LSM8: variants seen among roughly 807,000 people sequenced by gnomAD.
LSM8 encodes LSM8 U6 small nuclear RNA associated.
LSM8 carries 14 observed loss-of-function variants against 15.0 expected under a neutral mutation model. The ratio of observed to expected loss-of-function variants is 0.93; its 90% CI spans 0.62 to 1.46. LSM8 has a LOEUF of 1.46. Among genes scored for constraint, LSM8 ranks in the 40% most tolerant of loss-of-function variants. The pLI is 0.00. For missense variants in LSM8, 90 were observed against 115.4 expected (o/e 0.78, Z 1.01); for synonymous variants, 50 against 42.1 (o/e 1.19, Z -0.73).
At position 118,196,769 on chromosome 7, in the gene LSM8, C is replaced by G. The variant is rs1030134548; in HGVS notation, c.*4767C>G. On this transcript the variant is annotated 3_prime_UTR_variant, in exon 4 of 4. Coordinates refer to ENST00000249299, the MANE Select transcript of LSM8 (RefSeq NM_016200.5). ...ATTTTTGAGACACTTCTTGCTCTTT[C>G]GCCAGGCTGGAGTGCAGTGGTGCAA... Among the ~76,000 whole-genome samples, 2 of 146,510 alleles carry G rather than the reference C, an allele frequency of 1.4e-5. No individual in the cohort carries two copies. Among genetic ancestry groups the G allele is most frequent in the South Asian group, 2.1e-4 (1 of 4,728 alleles).
In LSM8 at chr7:118,195,811, CTACATGTAA is replaced by C. The variant is rs1325220725; in HGVS notation, c.*3813_*3821del. Among the ~76,000 whole-genome samples the C allele has an allele frequency of 6.6e-6, 1 of 152,126 alleles. No homozygotes were observed. Among genetic ancestry groups the C allele is most frequent in the African/African-American group, 2.4e-5 (1 of 41,424 alleles). ...AAATTTGATAAAAATTCCTTTCTGT[CTACATGTAA>C]TACTGAAAAAAATGTTGATAAGGTA... On this transcript the variant is annotated 3_prime_UTR_variant, in exon 4 of 4. Coordinates refer to ENST00000249299, the MANE Select transcript of LSM8 (RefSeq NM_016200.5).
At chr7:118,185,444 C>T (rs1808870614) in intron 1 of LSM8, 5 of 526,770 alleles carry the variant, frequency 9.5e-6, no homozygotes, top group South Asian at 7.1e-5. Flanking sequence ...GGGGGTATCG[C>T]TGTGTTGCCC....
At position 118,184,207 on chromosome 7, in the gene LSM8, C is replaced by T. The variant is rs1808840251; in HGVS notation, c.-17C>T. ...GTCGGCACCGCTGCGTTACCCGGAA[C>T]CGCCGGGCCGAACAGCATGACGTCC... On this transcript the variant is annotated 5_prime_UTR_variant, in exon 1 of 4. Transcript: ENST00000249299. 3.2e-6 allele frequency: 5 copies of T among 1,542,714 alleles called. No individual in the cohort carries two copies. The South Asian group carries it at 3.6e-5, about 11-fold the overall frequency.
rs1373023621 is a variant in LSM8 at position 118,200,956 on chromosome 7, G to A, written c.*8954G>A. Among the ~76,000 whole-genome samples the A allele has an allele frequency of 6.6e-6, 1 of 151,942 alleles. No homozygotes were observed. The highest frequency in any genetic ancestry group is 1.5e-5 in the Non-Finnish European group (1 of 67,954). ...ACTTTTCACATATACACTAATATTAGTATCTAAATTATATTAAAATCTAAT... is the reference window on the plus strand; with the variant it reads ...ACTTTTCACATATACACTAATATTAATATCTAAATTATATTAAAATCTAAT... On this transcript the variant is annotated 3_prime_UTR_variant, in exon 4 of 4. Coordinates refer to ENST00000249299, the MANE Select transcript of LSM8 (RefSeq NM_016200.5).
intron 3 of LSM8, 69 bp from the exon 4 acceptor site, chr7:118,191,843 T>C: frequency 8.4e-7 from 1 of 1,186,618 alleles, no homozygotes; most frequent in South Asian, 1.3e-5. Context: ...TTTGATTTGA[T>C]TAGTAAGATT....
rs1027019207 is a variant in LSM8 at position 118,198,168 on chromosome 7, T to C, written c.*6166T>C. ...TTTTAAAATTAAAAATTTGATCAAA[T>C]TTTTAAAAGTAACACGAGGCAGAGA... On this transcript the variant is annotated 3_prime_UTR_variant, in exon 4 of 4. Transcript: ENST00000249299. Among the ~76,000 whole-genome samples, 1 of 152,142 alleles carries C rather than the reference T, an allele frequency of 6.6e-6. No individual in the cohort carries two copies. The highest frequency in any genetic ancestry group is 2.4e-5 in the African/African-American group (1 of 41,436).
chr7:118,202,388 C>T lies in LSM8; in HGVS notation c.*10386C>T, dbSNP rs957968046. On this transcript the variant is annotated 3_prime_UTR_variant, in exon 4 of 4. Transcript: ENST00000249299. ...AAGCAAGGCAGTTCAGACTGGGGCA[C>T]CTACTCAAAGAAGTGACCCAGTACC... 3.3e-5 allele frequency among the ~76,000 whole-genome samples: 5 copies of T among 151,936 alleles called. No individual in the cohort carries two copies. The highest frequency in any genetic ancestry group is 5.9e-5 in the Non-Finnish European group (4 of 67,934).
At position 118,202,227 on chromosome 7, in the gene LSM8, G is replaced by A. The variant is rs994181519; in HGVS notation, c.*10225G>A. 4.6e-5 allele frequency among the ~76,000 whole-genome samples: 7 copies of A among 152,016 alleles called. No homozygotes were observed. The highest frequency in any genetic ancestry group is 1.7e-4 in the African/African-American group (7 of 41,418). On this transcript the variant is annotated 3_prime_UTR_variant, in exon 4 of 4. Coordinates refer to ENST00000249299, the MANE Select transcript of LSM8 (RefSeq NM_016200.5). The stretch of plus-strand genomic sequence containing the variant: ...AGAAACCATGAAGTGTCATATGAAA[G>A]GAAGTTACGATTATTATTGGTGAGT...
chr7:118,187,320 A>G (rs1028386062), intron 2 of LSM8, among the ~76,000 whole-genome samples: 2 of 152,246 alleles, frequency 1.3e-5, no homozygotes, highest in Non-Finnish European at 2.9e-5. Context: ...CTTGAATACC[A>G]TGTGAGTTAC....
chr7:118,189,135 C>T (rs967691326), intron 3 of LSM8: 3 of 152,516 alleles, frequency 2.0e-5, no homozygotes, highest in Non-Finnish European at 4.4e-5. Flanking sequence ...TGGCGTGCGC[C>T]TGTAGTTCCA....
intron 2 of LSM8, among the ~76,000 whole-genome samples, chr7:118,188,013 C>T (rs1808915489): frequency 2.0e-5 from 3 of 152,312 alleles, no homozygotes; most frequent in South Asian, 2.1e-4. Flanking sequence ...GAGATAGTCA[C>T]ATTAGTACAT....
intron 1 of LSM8, chr7:118,185,416 G>C: frequency 2.2e-6 from 1 of 448,242 alleles, no homozygotes; most frequent in Non-Finnish European, 4.0e-6. Flanking sequence ...TAGGTCACCA[G>C]GCCAGGGTAA....
rs1190959134 is a variant in LSM8, at chr7:118,201,228, AG to A, written c.*9227del. Among the ~76,000 whole-genome samples the A allele has an allele frequency of 2.0e-5, 3 of 152,098 alleles. No individual in the cohort carries two copies. ...TATATATCACAGAATTTTGAACTAA[AG>A]ATCATCTAGCTGAATTTCCTTTATA... On this transcript the variant is annotated 3_prime_UTR_variant, in exon 4 of 4. Coordinates refer to ENST00000249299, the MANE Select transcript of LSM8 (RefSeq NM_016200.5).
At chr7:118,185,088 C>T (rs1808863975) in intron 1 of LSM8, 1 of 152,010 alleles carries the variant, frequency 6.6e-6, no homozygotes, top group Non-Finnish European at 1.5e-5. Flanking sequence ...AATATCCTGC[C>T]TGAAATAATA....
rs1370676033 is a variant in LSM8 at position 118,196,361 on chromosome 7, A to G, written c.*4359A>G. ...GGATTCATTCAAAACAACTAGAAAC[A>G]GTCTTTTTAAAATAAATATAATTCA... is the stretch of plus-strand genomic sequence containing the variant. On this transcript the variant is annotated 3_prime_UTR_variant, in exon 4 of 4. Transcript: ENST00000249299. Among the ~76,000 whole-genome samples, 1 of 151,942 alleles carries G rather than the reference A, an allele frequency of 6.6e-6. No homozygotes were observed. Among genetic ancestry groups the G allele is most frequent in the African/African-American group, 2.4e-5 (1 of 41,332 alleles).
In LSM8 at chr7:118,198,903, C is replaced by G. The variant is rs1324353816; in HGVS notation, c.*6901C>G. 6.6e-6 allele frequency among the ~76,000 whole-genome samples: 1 copy of G among 152,182 alleles called. No homozygotes were observed. The highest frequency in any genetic ancestry group is 6.5e-5 in the Admixed American group (1 of 15,274). ...AGTTTAAGCTCTGGGAAACGAGATTCAGGAGCTAAGGTCAGTTATGAGGGA... is the reference window on the plus strand; with the variant it reads ...AGTTTAAGCTCTGGGAAACGAGATTGAGGAGCTAAGGTCAGTTATGAGGGA... On this transcript the variant is annotated 3_prime_UTR_variant, in exon 4 of 4. Coordinates refer to ENST00000249299, the MANE Select transcript of LSM8 (RefSeq NM_016200.5).
intron 2 of LSM8, among the ~76,000 whole-genome samples, chr7:118,186,368 AT>A (rs1288054446): frequency 2.0e-5 from 3 of 152,228 alleles, no homozygotes; most frequent in Admixed American, 6.5e-5. Context: ...TTTCAAAAGA[AT>A]TTTAAGGCTA....
Position 118,191,933 on chromosome 7 carries a change from T to G in LSM8, c.222T>G (p.Asp74Glu), listed in dbSNP as rs1808989697. The G allele has an allele frequency of 6.2e-7, 1 of 1,612,620 alleles. No individual in the cohort carries two copies. Among genetic ancestry groups the G allele is most frequent in the Non-Finnish European group, 8.5e-7 (1 of 1,179,200 alleles). Residue 74 changes from aspartate to glutamate, a missense_variant, in exon 4 of 4, where the codon GAT (aspartate) becomes GAG (glutamate). Transcript: ENST00000249299. ...TTAGTGCAGTCATTGGAGAAATCGA[T>G]GAAGAAACAGATTCTGCGCTTGATT... ...GDNVAVIGEI[D>E]EETDSALDLG...
At chr7:118,186,573 C>CAT (rs1159992972) in intron 2 of LSM8, among the ~76,000 whole-genome samples, 11 of 152,068 alleles carry the variant, frequency 7.2e-5, no homozygotes, top group Non-Finnish European at 1.6e-4. Flanking sequence ...GTGCCAGGTG[C>CAT]ATATATGTTA....
Sources: allele counts gnomAD v4.1 joint callset (sites outside exome capture counted in the v4.1 genomes callset), GRCh38; gene constraint gnomAD v4.1.1; transcripts MANE v1.5; gene names NCBI Gene and HGNC (gene_info 2026-07-23, HGNC 2026-07-21).